The following DCAF8L2 variants were observed in gnomAD, a reference collection of about 807,000 sequenced individuals.
DCAF8L2 encodes the protein DDB1 and CUL4 associated factor 8 like 2, also known as DDB1- and CUL4-associated factor 8-like protein 2.
For missense variants in DCAF8L2, 430 were observed against 490.7 expected (o/e 0.88, Z 1.17); for synonymous variants, 200 against 190.9 (o/e 1.05, Z -0.39).
intron 4 of DCAF8L2, among the ~76,000 whole-genome samples, chrX:27,734,291 T>C (rs1046025587): frequency 1.8e-5 from 2 of 110,872 alleles, no homozygotes; most frequent in African/African-American, 6.6e-5. Flanking sequence ...ACAGAATCAG[T>C]GGTGAAAGAG....
the DCAF8L2 span, among the ~76,000 whole-genome samples, chrX:27,543,460 A>C: frequency 6.3e-5 from 7 of 111,281 alleles, no homozygotes. Context: ...CTATTCAGAG[A>C]CTTTTTTGAT....
chrX:27,547,564 G>A, the DCAF8L2 span, among the ~76,000 whole-genome samples: 4 of 111,156 alleles, frequency 3.6e-5, no homozygotes, highest in Non-Finnish European at 7.6e-5. Flanking sequence ...GAGGAAGCAA[G>A]CCCATCTTAC....
the DCAF8L2 span, chrX:27,519,721 C>T: frequency 1.8e-6 from 1 of 570,778 alleles, no homozygotes; most frequent in Non-Finnish European, 3.2e-6. Context: ...TAAGAAGCAA[C>T]TTCAGGCATT....
chrX:27,478,593 A>G, the DCAF8L2 span, among the ~76,000 whole-genome samples: 1 of 112,278 alleles, frequency 8.9e-6, no homozygotes, highest in African/African-American at 3.2e-5. Context: ...CTATTCTGTA[A>G]TAACTCATTC....
the DCAF8L2 span, among the ~76,000 whole-genome samples, chrX:27,530,783 T>C: frequency 1.8e-5 from 2 of 111,892 alleles, no homozygotes; most frequent in African/African-American, 6.5e-5. Flanking sequence ...TATTATTTGC[T>C]TTGCAAATGA....
chrX:27,537,094 G>T, the DCAF8L2 span, among the ~76,000 whole-genome samples: 1 of 111,121 alleles, frequency 9.0e-6, no homozygotes, highest in Non-Finnish European at 1.9e-5. Context: ...TTGTATAGTT[G>T]GCATATTTTA....
At chrX:27,620,125 A>G (rs1927686004) in intron 1 of DCAF8L2, among the ~76,000 whole-genome samples, 1 of 111,936 alleles carries the variant, frequency 8.9e-6, no homozygotes, top group Non-Finnish European at 1.9e-5. Flanking sequence ...TCATATATAC[A>G]TTGACAAAAA....
the DCAF8L2 span, among the ~76,000 whole-genome samples, chrX:27,570,555 C>T: frequency 8.9e-6 from 1 of 111,883 alleles, no homozygotes; most frequent in Non-Finnish European, 1.9e-5. Context: ...TTGCAGTGTC[C>T]TGTAAATTAC....
chrX:27,733,279 T>C (rs958074849), intron 4 of DCAF8L2, among the ~76,000 whole-genome samples: 1 of 112,025 alleles, frequency 8.9e-6, no homozygotes, highest in African/African-American at 3.2e-5. Context: ...TCTGTGGTGA[T>C]TAATGATATT....
At chrX:27,709,327 T>C (rs895920933) in intron 3 of DCAF8L2, among the ~76,000 whole-genome samples, 7 of 112,927 alleles carry the variant, frequency 6.2e-5, no homozygotes, top group Non-Finnish European at 1.1e-4. Flanking sequence ...TTTCCGTACA[T>C]TTTGTTGTAA....
the DCAF8L2 span, among the ~76,000 whole-genome samples, chrX:27,574,068 G>T: frequency 9.1e-6 from 1 of 109,838 alleles, no homozygotes; most frequent in East Asian, 2.9e-4. Flanking sequence ...AGCCTCAAGT[G>T]ATTTTTTTTT....
chrX:27,576,603 T>A, the DCAF8L2 span, among the ~76,000 whole-genome samples: 1 of 111,777 alleles, frequency 8.9e-6, no homozygotes, highest in Non-Finnish European at 1.9e-5. Context: ...CAGCAAAAAA[T>A]AATCACTGTA....
At chrX:27,622,287 T>TGGC (rs1369148743) in intron 1 of DCAF8L2, among the ~76,000 whole-genome samples, 10 of 87,145 alleles carry the variant, frequency 1.1e-4, no homozygotes, top group African/African-American at 4.6e-4. Context: ...TAGCCGGGCG[T>TGGC]AGTGGCGGAC....
chrX:27,645,037 T>G (rs989836973), intron 2 of DCAF8L2, among the ~76,000 whole-genome samples: 2 of 112,185 alleles, frequency 1.8e-5, no homozygotes, highest in Non-Finnish European at 3.8e-5. Context: ...ATTACAGGCA[T>G]GAGCTACCGC....
intron 2 of DCAF8L2, among the ~76,000 whole-genome samples, chrX:27,669,945 T>G (rs1929886618): frequency 8.9e-6 from 1 of 111,789 alleles, no homozygotes; most frequent in Non-Finnish European, 1.9e-5. Context: ...CGTGTGCATG[T>G]GTCTTTATAG....
At chrX:27,613,311 A>T (rs939421838) in intron 1 of DCAF8L2, among the ~76,000 whole-genome samples, 1 of 111,726 alleles carries the variant, frequency 9.0e-6, no homozygotes, top group African/African-American at 3.3e-5. Context: ...GTATCCTGAG[A>T]CTTTGCTGAA....
intron 4 of DCAF8L2, among the ~76,000 whole-genome samples, chrX:27,730,045 C>G (rs1921096475): frequency 9.0e-6 from 1 of 111,692 alleles, no homozygotes. Flanking sequence ...CTTTATGTAG[C>G]AATGATAAGA....
At chrX:27,593,117 C>T (rs753726236) in intron 1 of DCAF8L2, among the ~76,000 whole-genome samples, 6 of 111,679 alleles carry the variant, frequency 5.4e-5, no homozygotes, top group Admixed American at 9.5e-5. Flanking sequence ...CATTTTTAAG[C>T]GCATAGTTCA....
At chrX:27,576,595 G>A in the DCAF8L2 span, among the ~76,000 whole-genome samples, 166 of 111,042 alleles carry the variant, frequency 1.5e-3, no homozygotes, top group African/African-American at 5.0e-3. Context: ...TTTTATCTCA[G>A]CAAAAAATAA....
Sources: gnomAD v4.1 joint callset for allele counts (sites outside exome capture counted in the v4.1 genomes callset) on GRCh38, gnomAD v4.1.1 for gene constraint, MANE v1.5 for transcripts, NCBI Gene and HGNC (gene_info 2026-07-23, HGNC 2026-07-21) for gene names.